The following SLC12A8 variants were observed in gnomAD, a reference collection of about 807,000 sequenced individuals.
SLC12A8 encodes cation-chloride cotransporter 9.
In SLC12A8, 69 loss-of-function variants were observed where a neutral mutation model predicts 75.6. The observed-to-expected ratio is 0.91, with a 90% confidence interval of 0.75 to 1.11. The LOEUF is 1.11. Among genes scored for constraint, SLC12A8 ranks in the 50% most tolerant of loss-of-function variants. SLC12A8 has a pLI of 0.00. For synonymous variants in SLC12A8, 365 were observed against 372.8 expected (o/e 0.98, Z 0.24); for missense variants, 877 against 896.7 (o/e 0.98, Z 0.28).
At position 125,193,292 on chromosome 3, in the gene SLC12A8, C is replaced by A. The variant is rs113626935; in HGVS notation, c.52-2771G>T. Among the ~76,000 whole-genome samples the A allele has an allele frequency of 2.9e-3, 445 of 152,292 alleles. 3 individuals are homozygous for A. The highest frequency in any genetic ancestry group is 0.01 in the African/African-American group (429 of 41,566). ...GGCTGAGGCATGAGAATCACTTGAA[C>A]CTGGGAGGCTGAGGTTGCAGTGAGC... is the stretch of plus-strand genomic sequence containing the variant. On this transcript the variant is annotated intron_variant, in intron 2 of 13. Coordinates refer to ENST00000469902, the MANE Select transcript of SLC12A8 (RefSeq NM_024628.6).
rs564396894 is a variant in SLC12A8, at chr3:125,143,571, G to A, written c.623-7789C>T. ...CCAGAGAGAAAATACACAGAGGGAGGGCTGGGCATTCCAACAGTGGCCAGA... is the reference window on the plus strand; with the variant it reads ...CCAGAGAGAAAATACACAGAGGGAGAGCTGGGCATTCCAACAGTGGCCAGA... On this transcript the variant is annotated intron_variant, in intron 5 of 13. Transcript: ENST00000469902. Among the ~76,000 whole-genome samples the A allele has an allele frequency of 5.9e-5, 9 of 152,354 alleles. No individual in the cohort carries two copies. In the South Asian group the frequency reaches 1.9e-3, roughly 32 times the overall value.
At chr3:125,111,145 C>T (rs1236851488) in intron 8 of SLC12A8, among the ~76,000 whole-genome samples, 1 of 152,182 alleles carries the variant, frequency 6.6e-6, no homozygotes, top group Non-Finnish European at 1.5e-5. Flanking sequence ...CGTGGTGCCC[C>T]CTCCACTAAT....
chr3:125,182,819 C>T (rs1056011691), intron 4 of SLC12A8, among the ~76,000 whole-genome samples: 2 of 151,846 alleles, frequency 1.3e-5, no homozygotes, highest in African/African-American at 4.8e-5. Context: ...GCCTTGTCCC[C>T]ATTTTTGTAA....
intron 3 of SLC12A8, among the ~76,000 whole-genome samples, chr3:125,189,538 A>G (rs776772430): frequency 3.9e-5 from 6 of 152,172 alleles, no homozygotes; most frequent in African/African-American, 9.7e-5. Context: ...TCCTAATGCA[A>G]TATCTACCCA....
At chr3:125,195,595 GT>G (rs34837719) in intron 2 of SLC12A8, among the ~76,000 whole-genome samples, 3,049 of 147,354 alleles carry the variant, frequency 0.021, 43 homozygotes, top group South Asian at 0.033. Flanking sequence ...TCAATCTGTT[GT>G]TTTTTTTTTT....
intron 5 of SLC12A8, among the ~76,000 whole-genome samples, chr3:125,138,897 G>C (rs551090456): frequency 4.0e-5 from 6 of 148,248 alleles, no homozygotes; most frequent in East Asian, 2.0e-4. Context: ...CACTTAGCAG[G>C]GCATGGTACT....
intron 3 of SLC12A8, 41 bp downstream of exon 3, chr3:125,190,334 T>C (rs4679159): frequency 1.2e-6 from 2 of 1,608,624 alleles, no homozygotes; most frequent in South Asian, 2.2e-5. Context: ...TTTCCTGTCT[T>C]GGGCCCGTGA....
At chr3:125,181,236 A>C (rs1277911857) in intron 4 of SLC12A8, among the ~76,000 whole-genome samples, 1 of 152,240 alleles carries the variant, frequency 6.6e-6, no homozygotes, top group Non-Finnish European at 1.5e-5. Flanking sequence ...TTTTATTCAA[A>C]AACTCAAGAG....
intron 5 of SLC12A8, among the ~76,000 whole-genome samples, chr3:125,168,369 C>T (rs557445337): frequency 3.9e-5 from 6 of 152,222 alleles, no homozygotes; most frequent in African/African-American, 4.8e-5. Flanking sequence ...TGAGGGCTTT[C>T]GCTTTGTCTG....
intron 4 of SLC12A8, among the ~76,000 whole-genome samples, chr3:125,185,864 G>T (rs1934770426): frequency 6.6e-6 from 1 of 152,240 alleles, no homozygotes; most frequent in South Asian, 2.1e-4. Context: ...TGGGACCAGG[G>T]CCCAAGTGGA....
intron 8 of SLC12A8, among the ~76,000 whole-genome samples, chr3:125,113,900 C>G (rs1419497316): frequency 6.6e-6 from 1 of 152,196 alleles, no homozygotes; most frequent in Admixed American, 6.5e-5. Context: ...ATTGGCTGCT[C>G]TCTTCTCTCA....
rs1327439157 is a variant in SLC12A8, at chr3:125,199,226, G to A, written c.52-8705C>T. 3.9e-5 allele frequency among the ~76,000 whole-genome samples: 6 copies of A among 152,162 alleles called. No individual in the cohort carries two copies. The East Asian group carries it at 5.8e-4, about 15-fold the overall frequency. On this transcript the variant is annotated intron_variant, in intron 2 of 13. Coordinates refer to ENST00000469902, the MANE Select transcript of SLC12A8 (RefSeq NM_024628.6). ...CTGCAAATTGTTTTTATATGGTTTA[G>A]AGAAAATATATACATATATATAGAG...
intron 5 of SLC12A8, among the ~76,000 whole-genome samples, chr3:125,156,418 G>A (rs1286197416): frequency 1.3e-5 from 2 of 152,142 alleles, no homozygotes; most frequent in African/African-American, 4.8e-5. Flanking sequence ...AGCCAGTGGC[G>A]CGAGAAAAGT....
intron 4 of SLC12A8, among the ~76,000 whole-genome samples, chr3:125,185,359 TAA>T (rs200494148): frequency 4.7e-5 from 6 of 127,028 alleles, no homozygotes; most frequent in South Asian, 2.5e-4. Flanking sequence ...ATTCCCAGAT[TAA>T]AAAAAAAAAA....
intron 10 of SLC12A8, among the ~76,000 whole-genome samples, chr3:125,105,070 A>G (rs1938990449): frequency 1.4e-5 from 2 of 147,476 alleles, no homozygotes; most frequent in Non-Finnish European, 3.1e-5. Context: ...AACAACCAAC[A>G]CTTTAAAAAA....
At chr3:125,166,697 G>A (rs1031061929) in intron 5 of SLC12A8, among the ~76,000 whole-genome samples, 1 of 152,164 alleles carries the variant, frequency 6.6e-6, no homozygotes, top group Non-Finnish European at 1.5e-5. Flanking sequence ...TCCCTTGCAC[G>A]AAGAACAGTT....
At chr3:125,088,758 T>G (rs1938520584) in intron 12 of SLC12A8, among the ~76,000 whole-genome samples, 1 of 152,232 alleles carries the variant, frequency 6.6e-6, no homozygotes. Context: ...GACCATACAC[T>G]GAGAATTGGG....
Position 125,083,974 on chromosome 3 carries a change from G to A in SLC12A8, c.2061C>T (p.Thr687=). The A allele has an allele frequency of 1.2e-6, 2 of 1,613,660 alleles. No homozygotes were observed. Among genetic ancestry groups the A allele is most frequent in the Non-Finnish European group, 1.7e-6 (2 of 1,179,882 alleles). Residue 687 remains threonine, a synonymous_variant, in exon 14 of 14, where the codon ACC becomes ACT. Coordinates refer to ENST00000469902, the MANE Select transcript of SLC12A8 (RefSeq NM_024628.6). ...GAGTGGCGAAGTCTGCATTCTCCTG[G>A]GTGAGCTGAGTCATCTCCATGTCAA... The part of the protein sequence containing the change: ...AKVDMEMTQL[T]QENADFATRD...
At chr3:125,177,656 G>T in intron 5 of SLC12A8, 87 bp downstream of exon 5, 1 of 1,032,870 alleles carries the variant, frequency 9.7e-7, no homozygotes, top group Non-Finnish European at 1.5e-6. Flanking sequence ...GGGTTAGGGG[G>T]AGATGGGGTG....
Sources: allele counts gnomAD v4.1 joint callset (sites outside exome capture counted in the v4.1 genomes callset), GRCh38; gene constraint gnomAD v4.1.1; transcripts MANE v1.5; gene names NCBI Gene and HGNC (gene_info 2026-07-23, HGNC 2026-07-21).